Variants in TEX11 observed in about 807,000 individuals in gnomAD.
The protein encoded by TEX11 is testis-expressed protein 11.
A neutral mutation model predicts 84.4 loss-of-function variants in TEX11; 7 were observed. The ratio of observed to expected loss-of-function variants is 0.08; its 90% CI spans 0.05 to 0.16. The LOEUF is 0.16. TEX11 is among the 10% of genes least tolerant of loss of function. The probability of loss-of-function intolerance (pLI) is 1.00; values close to 1 mark genes in which losing one functional copy is unlikely to be tolerated. For synonymous variants in TEX11, 264 were observed against 222.8 expected, an observed-to-expected ratio of 1.18 and a Z score of -1.64; for missense variants, 551 against 660.5, an observed-to-expected ratio of 0.83 and a Z score of 1.82.
the TEX11 span, among the ~76,000 whole-genome samples, chrX:70,518,690 T>C: frequency 0.078 from 8,721 of 111,103 alleles, 424 homozygotes; most frequent in Admixed American, 0.24. Flanking sequence ...TTAACCTGTC[T>C]CATTGATCTG....
chrX:70,852,904 A>G (rs2091516464), intron 7 of TEX11, 130 bp downstream of exon 7: 1 of 630,150 alleles, frequency 1.6e-6, no homozygotes. Context: ...ACAGAGATAA[A>G]AAGGTCAAAT....
At chrX:70,896,248 G>C (rs1489399775) in intron 2 of TEX11, among the ~76,000 whole-genome samples, 1 of 112,383 alleles carries the variant, frequency 8.9e-6, no homozygotes, top group Non-Finnish European at 1.9e-5. Flanking sequence ...CATTTATGCG[G>C]CCAGCAAACA....
chrX:70,829,481 CA>C (rs60664977), intron 8 of TEX11, among the ~76,000 whole-genome samples: 9,728 of 70,851 alleles, frequency 0.14, 793 homozygotes, highest in African/African-American at 0.36. Flanking sequence ...CATTCCGTCT[CA>C]AAAAAAAAAA....
intron 9 of TEX11, among the ~76,000 whole-genome samples, chrX:70,754,357 G>A (rs773128302): frequency 1.8e-5 from 2 of 111,588 alleles, no homozygotes; most frequent in African/African-American, 6.5e-5. Flanking sequence ...AGGTTCCTCT[G>A]CCTTTGGAAA....
chrX:70,694,724 TA>T (rs2090265820), intron 13 of TEX11, among the ~76,000 whole-genome samples: 2 of 112,341 alleles, frequency 1.8e-5, no homozygotes, highest in Admixed American at 1.9e-4. Context: ...CTGTGTAATT[TA>T]TAAAGAAAAG....
Position 70,629,708 on chromosome X carries a change from T to C in TEX11, c.1511A>G (p.Asn504Ser). ...TTCTGACTCTTCATCTGTTAATATA[T>C]TCTCTAAAGTAATTATTGCCTGCAA... ...RALQAIITLENILTDEESEDN... is the reference protein window; with the variant it reads ...RALQAIITLESILTDEESEDN... The change falls in exon 18 of 30, where the codon AAT becomes AGT. Residue 504 changes from asparagine to serine, a missense_variant. Asn to Ser is a conservative substitution (Grantham distance 46). Coordinates refer to ENST00000374333, the MANE Select transcript of TEX11 (RefSeq NM_031276.3). 1 of 1,179,689 alleles carries C rather than the reference T, an allele frequency of 8.5e-7. No homozygotes were observed. The highest frequency in any genetic ancestry group is 1.1e-6 in the Non-Finnish European group (1 of 872,425).
intron 9 of TEX11, among the ~76,000 whole-genome samples, chrX:70,760,844 T>G (rs916103638): frequency 1.8e-5 from 2 of 111,435 alleles, no homozygotes; most frequent in African/African-American, 6.5e-5. Flanking sequence ...GGGAGAAAAT[T>G]TTTGCAATCT....
chrX:70,604,631 T>A (rs2089174417), intron 24 of TEX11, among the ~76,000 whole-genome samples: 1 of 111,398 alleles, frequency 9.0e-6, no homozygotes, highest in African/African-American at 3.3e-5. Flanking sequence ...AGGAAGAGAA[T>A]AAACAGCAAA....
intron 28 of TEX11, among the ~76,000 whole-genome samples, chrX:70,539,886 GA>G (rs1385212874): frequency 1.8e-5 from 2 of 110,946 alleles, no homozygotes; most frequent in African/African-American, 6.6e-5. Flanking sequence ...GACCCAAAAA[GA>G]AAAAGAAAGA....
intron 2 of TEX11, among the ~76,000 whole-genome samples, chrX:70,892,097 T>A (rs988525728): frequency 9.0e-6 from 1 of 111,089 alleles, no homozygotes; most frequent in South Asian, 3.8e-4. Flanking sequence ...TTAAAGAAAA[T>A]AATTTTCAAC....
chrX:70,638,473 T>A (rs982084438), intron 17 of TEX11, among the ~76,000 whole-genome samples: 1 of 111,391 alleles, frequency 9.0e-6, no homozygotes, highest in African/African-American at 3.3e-5. Context: ...CAGACTTGTC[T>A]TACTAGAAAC....
rs772570997 is a variant in TEX11, at chrX:70,743,995, G to A, written c.747+170C>T. ...TTAATTCATGGGTACATGCCTATGA[G>A]TTAGATTATATTATTATATAAATAT... On this transcript the variant is annotated intron_variant, in intron 10 of 29. Transcript: ENST00000374333. Among the ~76,000 whole-genome samples the A allele has an allele frequency of 1.5e-3, 168 of 109,765 alleles. 1 individual carries two copies. The highest frequency in any genetic ancestry group is 5.3e-3 in the African/African-American group (162 of 30,314).
intron 25 of TEX11, among the ~76,000 whole-genome samples, chrX:70,572,517 T>C (rs2088614992): frequency 9.0e-6 from 1 of 110,883 alleles, no homozygotes; most frequent in African/African-American, 3.3e-5. Flanking sequence ...ACCCAAAAGA[T>C]TTTAAATCAT....
intron 26 of TEX11, among the ~76,000 whole-genome samples, chrX:70,554,403 T>C (rs1350191705): frequency 1.8e-5 from 2 of 111,820 alleles, no homozygotes; most frequent in Non-Finnish European, 3.8e-5. Context: ...CTAGGGTTTG[T>C]AAGTACAAAT....
rs750823996 is a variant in TEX11, at chrX:70,752,541, A to G, written c.693-8322T>C. Reference sequence around the variant, plus strand: ...CTCTGTCTCAAAAAAAAAAAAAAAAAAAAAGAAAAGAAAAAGACAAGAAAA... The same window carrying G: ...CTCTGTCTCAAAAAAAAAAAAAAAAGAAAAGAAAAGAAAAAGACAAGAAAA... On this transcript the variant is annotated intron_variant, in intron 9 of 29. Coordinates refer to ENST00000374333, the MANE Select transcript of TEX11 (RefSeq NM_031276.3). Among the ~76,000 whole-genome samples, 585 of 107,169 alleles carry G rather than the reference A, an allele frequency of 5.5e-3. 4 individuals are homozygous for G. The highest frequency in any genetic ancestry group is 0.017 in the African/African-American group (492 of 29,215). 93.1% of individuals were successfully genotyped at this position (107,169 alleles called of 115,157 possible).
chrX:70,530,667 G>A (rs768407663), intron 28 of TEX11, among the ~76,000 whole-genome samples: 1 of 112,250 alleles, frequency 8.9e-6, no homozygotes, highest in South Asian at 3.7e-4. Flanking sequence ...CCCCAGAAGG[G>A]AGAAATGTGA....
chrX:70,892,988 C>CA (rs1177728889), intron 2 of TEX11, among the ~76,000 whole-genome samples: 1 of 111,004 alleles, frequency 9.0e-6, no homozygotes, highest in East Asian at 2.8e-4. Flanking sequence ...ATCAATACAA[C>CA]AAGAAGAGCT....
chrX:70,774,165 G>A (rs1230650182), intron 9 of TEX11, among the ~76,000 whole-genome samples: 1 of 109,695 alleles, frequency 9.1e-6, no homozygotes, highest in East Asian at 2.8e-4. Context: ...GCACTGTCCT[G>A]GGGCCCAGCA....
chrX:70,632,399 G>A (rs1271931060), intron 17 of TEX11, among the ~76,000 whole-genome samples: 1 of 110,946 alleles, frequency 9.0e-6, no homozygotes, highest in East Asian at 2.8e-4. Context: ...TTTGAGCCCA[G>A]GAGTTTGAGA....
Sources: gnomAD v4.1 joint callset for allele counts (sites outside exome capture counted in the v4.1 genomes callset) on GRCh38, gnomAD v4.1.1 for gene constraint, MANE v1.5 for transcripts, NCBI Gene and HGNC (gene_info 2026-07-23, HGNC 2026-07-21) for gene names.